ASAP1: variants seen among roughly 807,000 people sequenced by gnomAD.
The protein encoded by ASAP1 is ArfGAP with SH3 domain, ankyrin repeat and PH domain 1.
In ASAP1, 43 loss-of-function variants were observed where a neutral mutation model predicts 145.2. The observed-to-expected ratio is 0.30, with a 90% CI of 0.23 to 0.38. The LOEUF is 0.38. ASAP1 is among the 10% of genes least tolerant of loss of function. The probability of loss-of-function intolerance (pLI) is 1.00; values close to 1 mark genes in which losing one functional copy is unlikely to be tolerated. For missense variants in ASAP1, 1,018 were observed against 1,355.3 expected (o/e 0.75, Z 3.91); for synonymous variants, 546 against 515.5 (o/e 1.06, Z -0.80).
chr8:130,119,421 T>C (rs2097561960), intron 18 of ASAP1, among the ~76,000 whole-genome samples: 1 of 152,206 alleles, frequency 6.6e-6, no homozygotes, highest in African/African-American at 2.4e-5. Flanking sequence ...TGAAAGGGTG[T>C]AGTACTTTTT....
At chr8:130,253,270 T>C (rs1469713538) in intron 3 of ASAP1, among the ~76,000 whole-genome samples, 1 of 152,198 alleles carries the variant, frequency 6.6e-6, no homozygotes, top group African/African-American at 2.4e-5. Flanking sequence ...GTTTCCTCCC[T>C]CTATAAAACA....
intron 2 of ASAP1, among the ~76,000 whole-genome samples, chr8:130,378,423 T>C (rs1216595841): frequency 1.3e-5 from 2 of 152,188 alleles, no homozygotes; most frequent in Non-Finnish European, 2.9e-5. Context: ...GGAGGTTAAC[T>C]AGCAGGATGG....
At chr8:130,131,395 C>A (rs1000019130) in intron 15 of ASAP1, among the ~76,000 whole-genome samples, 1 of 152,030 alleles carries the variant, frequency 6.6e-6, no homozygotes, top group African/African-American at 2.4e-5. Flanking sequence ...CCCTCTGAGG[C>A]ATGTGCTTTC....
At chr8:130,268,801 A>C (rs1020482652) in intron 3 of ASAP1, among the ~76,000 whole-genome samples, 1 of 152,164 alleles carries the variant, frequency 6.6e-6, no homozygotes, top group Non-Finnish European at 1.5e-5. Flanking sequence ...CAGTTTAAGA[A>C]TCATTTGCAG....
chr8:130,225,675 T>G (rs985925316), intron 4 of ASAP1, among the ~76,000 whole-genome samples: 2 of 152,168 alleles, frequency 1.3e-5, no homozygotes, highest in Non-Finnish European at 2.9e-5. Flanking sequence ...GAGCAGAAAC[T>G]TGAAAAATGA....
chr8:130,064,696 G>A (rs78926849), intron 27 of ASAP1, among the ~76,000 whole-genome samples: 4,144 of 152,158 alleles, frequency 0.027, 68 homozygotes, highest in African/African-American at 0.044. Context: ...TGGAGACAGC[G>A]TTAGATCCCA....
Position 130,127,968 on chromosome 8 carries a change from C to A in ASAP1, c.1340G>T (p.Arg447Leu). Residue 447 changes from arginine to leucine, a missense_variant, in exon 16 of 30, where the codon CGG becomes CTG. Transcript: ENST00000518721. Reference protein sequence around the residue: ...LTKAIIEDVQRLPGNDICCDC... With the variant: ...LTKAIIEDVQLLPGNDICCDC... The stretch of plus-strand genomic sequence containing the variant: ...GCAGCAAATGTCATTCCCTGGGAGC[C>A]GCTGGACATCCTCAATAATGGCTTT... 1 of 1,613,998 alleles carries A rather than the reference C, an allele frequency of 6.2e-7. No individual in the cohort carries two copies. Among genetic ancestry groups the A allele is most frequent in the Non-Finnish European group, 8.5e-7 (1 of 1,179,976 alleles).
At chr8:130,099,677 A>AT (rs2097525230) in intron 24 of ASAP1, among the ~76,000 whole-genome samples, 1 of 123,286 alleles carries the variant, frequency 8.1e-6, no homozygotes, top group African/African-American at 3.1e-5. Flanking sequence ...AAAGGATTTC[A>AT]TTCTTTTTTT....
chr8:130,263,786 T>G (rs1978550), intron 3 of ASAP1, among the ~76,000 whole-genome samples: 8 of 152,042 alleles, frequency 5.3e-5, no homozygotes, highest in Non-Finnish European at 1.5e-5. Flanking sequence ...CAACTTCCAG[T>G]GCCTTCTACC....
At chr8:130,420,235 T>TACAC (rs34138357) in intron 1 of ASAP1, among the ~76,000 whole-genome samples, 1,528 of 139,384 alleles carry the variant, frequency 0.011, 25 homozygotes, top group East Asian at 0.031. Flanking sequence ...CATAATGAAA[T>TACAC]ACACACACAC....
At chr8:130,232,580 G>C (rs190805432) in intron 4 of ASAP1, among the ~76,000 whole-genome samples, 5 of 149,826 alleles carry the variant, frequency 3.3e-5, no homozygotes, top group Admixed American at 3.3e-4. Context: ...CAAATTCCTA[G>C]AACAATCTTG....
intron 13 of ASAP1, among the ~76,000 whole-genome samples, chr8:130,141,946 G>T (rs552781629): frequency 6.6e-6 from 1 of 152,068 alleles, no homozygotes; most frequent in South Asian, 2.1e-4. Flanking sequence ...TTAAACTCCC[G>T]GCCTCAAGTG....
At chr8:130,285,663 A>C (rs1446614151) in intron 3 of ASAP1, among the ~76,000 whole-genome samples, 1 of 152,250 alleles carries the variant, frequency 6.6e-6, no homozygotes, top group Non-Finnish European at 1.5e-5. Context: ...CTGGGAAAGC[A>C]TCCATGATTA....
intron 15 of ASAP1, among the ~76,000 whole-genome samples, chr8:130,130,368 C>T (rs912915573): frequency 6.6e-6 from 1 of 152,088 alleles, no homozygotes; most frequent in Non-Finnish European, 1.5e-5. Flanking sequence ...CTTCCATTTG[C>T]CTCTTTACTC....
chr8:130,259,766 GAGAA>G (rs1819781854), intron 3 of ASAP1, among the ~76,000 whole-genome samples: 1 of 152,208 alleles, frequency 6.6e-6, no homozygotes, highest in African/African-American at 2.4e-5. Flanking sequence ...GTCTTCACTT[GAGAA>G]AGAAAGTATA....
intron 3 of ASAP1, among the ~76,000 whole-genome samples, chr8:130,269,353 T>C (rs16904231): frequency 0.19 from 29,338 of 152,150 alleles, 3,376 homozygotes; most frequent in East Asian, 0.45. Context: ...AAAATAGCCA[T>C]TCTGTGACCT....
At chr8:130,185,271 A>C (rs1220229510) in intron 7 of ASAP1, among the ~76,000 whole-genome samples, 1 of 152,206 alleles carries the variant, frequency 6.6e-6, no homozygotes. Flanking sequence ...GAGGCACTCA[A>C]CTTGCTATTC....
intron 3 of ASAP1, among the ~76,000 whole-genome samples, chr8:130,344,808 G>A (rs945304274): frequency 6.6e-6 from 1 of 152,130 alleles, no homozygotes; most frequent in Non-Finnish European, 1.5e-5. Flanking sequence ...ACCACTTGGA[G>A]GACTGAGCTA....
chr8:130,424,414 C>G (rs1425412294), intron 1 of ASAP1, among the ~76,000 whole-genome samples: 1 of 152,240 alleles, frequency 6.6e-6, no homozygotes, highest in Non-Finnish European at 1.5e-5. Flanking sequence ...CACTCCACTT[C>G]CCAAGAGCCC....
Sources: allele counts gnomAD v4.1 joint callset (sites outside exome capture counted in the v4.1 genomes callset), GRCh38; gene constraint gnomAD v4.1.1; transcripts MANE v1.5; gene names NCBI Gene and HGNC (gene_info 2026-07-23, HGNC 2026-07-21).